Variants in CTNNA1 observed in about 807,000 individuals in gnomAD.
CTNNA1 encodes catenin alpha 1.
A neutral mutation model predicts 98.4 loss-of-function variants in CTNNA1; 37 were observed. The ratio of observed to expected loss-of-function variants is 0.38; its 90% CI spans 0.29 to 0.49. The LOEUF is 0.49. Among genes scored for constraint, CTNNA1 ranks in the 20% least tolerant of loss-of-function variants. The pLI is 0.95. For synonymous variants in CTNNA1, 404 were observed against 413.2 expected, an observed-to-expected ratio of 0.98 and a Z score of 0.27; for missense variants, 761 against 1,147.2, an observed-to-expected ratio of 0.66 and a Z score of 4.86.
chr5:138,882,317 G>A (rs1418690477), intron 7 of CTNNA1, among the ~76,000 whole-genome samples: 1 of 152,164 alleles, frequency 6.6e-6, no homozygotes, highest in East Asian at 1.9e-4. Flanking sequence ...GTGAGAGAGA[G>A]CACGGCATGT....
rs533958616 is a variant in CTNNA1, at chr5:138,836,199, T to C, written c.1062+8481T>C. On this transcript the variant is annotated intron_variant, in intron 7 of 17. Coordinates refer to ENST00000302763, the MANE Select transcript of CTNNA1 (RefSeq NM_001903.5). ...TGCATAACTGCAACTTTGTATTCCTTGACATAAGTGTCCCCTACTCCCACC... is the reference window on the plus strand; with the variant it reads ...TGCATAACTGCAACTTTGTATTCCTCGACATAAGTGTCCCCTACTCCCACC... 2.6e-5 allele frequency among the ~76,000 whole-genome samples: 4 copies of C among 152,314 alleles called. No homozygotes were observed. In the South Asian group the frequency reaches 6.2e-4, roughly 24 times the overall value.
At chr5:138,776,925 C>T (rs1304303235) in intron 1 of CTNNA1, among the ~76,000 whole-genome samples, 131 of 122,544 alleles carry the variant, frequency 1.1e-3, no homozygotes, top group African/African-American at 3.7e-3. Context: ...CCCTCCCGGA[C>T]GGGGCGGCTG....
chr5:138,778,825 A>G (rs1444982829), intron 1 of CTNNA1, among the ~76,000 whole-genome samples: 1 of 152,184 alleles, frequency 6.6e-6, no homozygotes, highest in African/African-American at 2.4e-5. Context: ...AATCTCCACT[A>G]AAGCTCTCTG....
intron 7 of CTNNA1, among the ~76,000 whole-genome samples, chr5:138,868,119 T>G (rs1764976063): frequency 6.6e-6 from 1 of 152,236 alleles, no homozygotes; most frequent in African/African-American, 2.4e-5. Flanking sequence ...ATCATACATA[T>G]AACATATAAA....
chr5:138,915,367 A>G (rs1761520542), intron 10 of CTNNA1, among the ~76,000 whole-genome samples: 1 of 152,208 alleles, frequency 6.6e-6, no homozygotes, highest in Non-Finnish European at 1.5e-5. Flanking sequence ...ATCAGCTATC[A>G]GGATGGTGGT....
intron 1 of CTNNA1, among the ~76,000 whole-genome samples, chr5:138,772,259 T>C (rs1369847187): frequency 1.3e-5 from 2 of 152,234 alleles, no homozygotes; most frequent in African/African-American, 4.8e-5. Context: ...AGGATTACCA[T>C]TTATAAGGTA....
intron 5 of CTNNA1, among the ~76,000 whole-genome samples, chr5:138,817,573 C>T (rs1759561503): frequency 6.6e-6 from 1 of 152,096 alleles, no homozygotes; most frequent in Non-Finnish European, 1.5e-5. Flanking sequence ...TAATGCTATC[C>T]TATAAGTTTT....
At chr5:138,904,462 G>C in intron 10 of CTNNA1, 21 bp downstream of exon 10, 1 of 1,602,470 alleles carries the variant, frequency 6.2e-7, no homozygotes, top group Non-Finnish European at 8.5e-7. Flanking sequence ...ACTGACACTG[G>C]TGACAGCATA....
chr5:138,759,848 A>G (rs1345423886), intron 1 of CTNNA1, among the ~76,000 whole-genome samples: 1 of 151,994 alleles, frequency 6.6e-6, no homozygotes, highest in African/African-American at 2.4e-5. Flanking sequence ...GGAAGTTGCA[A>G]GCTTTCTTCA....
At chr5:138,777,845 G>A (rs1290741554) in intron 1 of CTNNA1, among the ~76,000 whole-genome samples, 5 of 142,050 alleles carry the variant, frequency 3.5e-5, no homozygotes, top group Admixed American at 7.2e-5. Flanking sequence ...GTGGGAGACC[G>A]TGGAAAGAGA....
Position 138,873,645 on chromosome 5 carries a change from C to T in CTNNA1, c.1063-12567C>T, listed in dbSNP as rs1414154189. The T allele has an allele frequency of 4.3e-6, 7 of 1,613,854 alleles. No individual in the cohort carries two copies. Among genetic ancestry groups the T allele is most frequent in the Non-Finnish European group, 5.1e-6 (6 of 1,179,904 alleles). ...TCCCACAGATTGCCAGAGAGACCAA[C>T]GGTTGTGAGGGATCTCAGGGAGTTT... On this transcript the variant is annotated intron_variant, in intron 7 of 17. Transcript: ENST00000302763. This position sits in a 1 kb window ranked among gnomAD's most constrained non-coding sequence, Gnocchi z 6.1.
At chr5:138,756,884 G>A (rs1283522896) in intron 1 of CTNNA1, among the ~76,000 whole-genome samples, 3 of 152,116 alleles carry the variant, frequency 2.0e-5, no homozygotes, top group South Asian at 4.1e-4. Flanking sequence ...GCTGTATTTT[G>A]GAGAAATGAG....
At chr5:138,833,076 C>T (rs1761434093) in intron 7 of CTNNA1, among the ~76,000 whole-genome samples, 1 of 152,176 alleles carries the variant, frequency 6.6e-6, no homozygotes, top group Non-Finnish European at 1.5e-5. Context: ...CCATACCCCC[C>T]TTCAACCCTG....
At chr5:138,789,405 C>T (rs1324294029) in intron 3 of CTNNA1, among the ~76,000 whole-genome samples, 1 of 152,150 alleles carries the variant, frequency 6.6e-6, no homozygotes, top group Non-Finnish European at 1.5e-5. Context: ...AGTGAGGTCC[C>T]TGGCTGGAGG....
At chr5:138,769,826 C>T (rs563238227) in intron 1 of CTNNA1, among the ~76,000 whole-genome samples, 7 of 151,854 alleles carry the variant, frequency 4.6e-5, no homozygotes, top group Admixed American at 3.9e-4. Context: ...AGCTACTGCA[C>T]CCAGCCGCTT....
At chr5:138,786,559 A>G (rs987113348) in intron 3 of CTNNA1, among the ~76,000 whole-genome samples, 2 of 152,198 alleles carry the variant, frequency 1.3e-5, no homozygotes, top group Non-Finnish European at 2.9e-5. Flanking sequence ...AGAATGTGGT[A>G]GAAGTGGTGC....
chr5:138,768,833 A>G (rs1753220950), intron 1 of CTNNA1, among the ~76,000 whole-genome samples: 1 of 152,050 alleles, frequency 6.6e-6, no homozygotes, highest in Non-Finnish European at 1.5e-5. Context: ...AGCATCTTCC[A>G]GATTTCTGTG....
intron 5 of CTNNA1, among the ~76,000 whole-genome samples, chr5:138,822,526 T>G (rs1760142058): frequency 6.6e-6 from 1 of 152,174 alleles, no homozygotes; most frequent in Non-Finnish European, 1.5e-5. Context: ...GGCAAATGCC[T>G]TCCCGGAAAA....
intron 17 of CTNNA1, 26 bp from the exon 18 acceptor site, chr5:138,933,773 GCTT>G: frequency 6.2e-7 from 1 of 1,605,520 alleles, no homozygotes; most frequent in South Asian, 1.1e-5. Context: ...TCAGGCCGGT[GCTT>G]CTTACCACCC....
Sources: allele counts gnomAD v4.1 joint callset (sites outside exome capture counted in the v4.1 genomes callset), GRCh38; gene constraint gnomAD v4.1.1; non-coding constraint Gnocchi (gnomAD v3.1); transcripts MANE v1.5; gene names NCBI Gene and HGNC (gene_info 2026-07-23, HGNC 2026-07-21).